ADAMTS16: variants seen among roughly 807,000 people sequenced by gnomAD.
ADAMTS16 encodes A disintegrin and metalloproteinase with thrombospondin motifs 16.
A neutral mutation model predicts 145.8 loss-of-function variants in ADAMTS16; 94 were observed. The observed-to-expected ratio is 0.64, with a 90% CI of 0.55 to 0.77. ADAMTS16 has a LOEUF of 0.77. Ranked by LOEUF, ADAMTS16 falls within the 30% of genes least tolerant of loss-of-function variation. The pLI, the probability that ADAMTS16 is intolerant of heterozygous loss-of-function variation, is 0.00. For synonymous variants in ADAMTS16, 659 were observed against 604.3 expected (o/e 1.09, Z -1.33); for missense variants, 1,585 against 1,591.5 (o/e 1.00, Z 0.07).
intron 18 of ADAMTS16, among the ~76,000 whole-genome samples, chr5:5,273,748 G>T (rs558531425): frequency 6.6e-6 from 1 of 152,334 alleles, no homozygotes; most frequent in East Asian, 1.9e-4. Flanking sequence ...ACAGACATTG[G>T]CCTGCATACG....
intron 18 of ADAMTS16, among the ~76,000 whole-genome samples, chr5:5,297,547 T>G (rs1739594247): frequency 6.6e-6 from 1 of 152,194 alleles, no homozygotes; most frequent in African/African-American, 2.4e-5. Context: ...GTCAGTTTCT[T>G]TGGTCTGTGT....
In ADAMTS16 at chr5:5,318,112, CAT is replaced by C. The variant is rs761054199; in HGVS notation, c.3412-21_3412-20del. On this transcript the variant is annotated intron_variant, in intron 21 of 22. Coordinates refer to ENST00000274181, the MANE Select transcript of ADAMTS16 (RefSeq NM_139056.4). ...GCCTGAGAGCCTGGGGCCATGGTGA[CAT>C]GTGTGTGTTGCTCTCACAGTGCACG... The C allele has an allele frequency of 2.8e-5, 38 of 1,373,990 alleles. No homozygotes were observed. Among genetic ancestry groups the C allele is most frequent in the African/African-American group, 1.5e-4 (10 of 67,336 alleles). The allele number at this position is 1,373,990 out of a possible 1,614,324, so 85.1% of individuals were successfully genotyped here. A position where few individuals can be genotyped will look rare whatever the true frequency, so the allele number is the denominator to read the frequency against.
intron 17 of ADAMTS16, among the ~76,000 whole-genome samples, chr5:5,243,945 A>G (rs1170677141): frequency 6.6e-6 from 1 of 152,220 alleles, no homozygotes; most frequent in Non-Finnish European, 1.5e-5. Context: ...CCCAAAATCC[A>G]TTCCCAAATC....
At position 5,186,079 on chromosome 5, in the gene ADAMTS16, T is replaced by TC; in HGVS notation, c.792dup (p.Phe265LeufsTer6). On this transcript the variant is annotated frameshift_variant, in exon 5 of 23. Transcript: ENST00000274181. LOFTEE classifies it high-confidence loss of function. The stretch of plus-strand genomic sequence containing the variant: ...ATGCCCCAGCCTCCCAAGGAAGACC[T>TC]CTTCATCTTGCCAGATGAGTATAAG... 1 of 1,613,922 alleles carries TC rather than the reference T, an allele frequency of 6.2e-7. No individual in the cohort carries two copies. Among genetic ancestry groups the TC allele is most frequent in the South Asian group, 1.1e-5 (1 of 91,076 alleles).
In ADAMTS16 at chr5:5,239,144, C is replaced by T; in HGVS notation, c.2155-7C>T. ...ATGAATGACATGTGACCTCATGGGCCCTCCAGAGAGTTGGATGTGACAATG... is the reference window on the plus strand; with the variant it reads ...ATGAATGACATGTGACCTCATGGGCTCTCCAGAGAGTTGGATGTGACAATG... On this transcript the variant is annotated splice_region_variant and splice_polypyrimidine_tract_variant and intron_variant, in intron 14 of 22. Coordinates refer to ENST00000274181, the MANE Select transcript of ADAMTS16 (RefSeq NM_139056.4). 6.6e-7 allele frequency: 1 copy of T among 1,524,798 alleles called. No homozygotes were observed. The highest frequency in any genetic ancestry group is 8.8e-7 in the Non-Finnish European group (1 of 1,137,766). 94.5% of individuals were successfully genotyped at this position (1,524,798 alleles called of 1,614,324 possible).
chr5:5,170,041 T>C (rs1216223020), intron 3 of ADAMTS16, among the ~76,000 whole-genome samples: 1 of 152,200 alleles, frequency 6.6e-6, no homozygotes, highest in Non-Finnish European at 1.5e-5. Flanking sequence ...ATCTCTTCGA[T>C]TTTCTTCATT....
chr5:5,144,268 G>A (rs1734239114), intron 2 of ADAMTS16, among the ~76,000 whole-genome samples: 1 of 152,160 alleles, frequency 6.6e-6, no homozygotes, highest in Non-Finnish European at 1.5e-5. Context: ...TAATCTACAA[G>A]AATTTACTTA....
chr5:5,228,183 G>T (rs1201810185), intron 11 of ADAMTS16, among the ~76,000 whole-genome samples: 3 of 152,180 alleles, frequency 2.0e-5, no homozygotes, highest in Non-Finnish European at 4.4e-5. Context: ...CAAGTTGTTA[G>T]CTTAACCAGA....
intron 17 of ADAMTS16, among the ~76,000 whole-genome samples, chr5:5,247,019 A>G (rs182955465): frequency 2.6e-5 from 4 of 152,192 alleles, no homozygotes; most frequent in Non-Finnish European, 4.4e-5. Flanking sequence ...TCTTCCTCTG[A>G]GTTCCATTGC....
chr5:5,185,174 T>G (rs1226234141), intron 4 of ADAMTS16, among the ~76,000 whole-genome samples: 1 of 152,174 alleles, frequency 6.6e-6, no homozygotes, highest in Non-Finnish European at 1.5e-5. Context: ...AAGCTTTATT[T>G]AATTTTGGAA....
chr5:5,183,386 C>T (rs1735396888), intron 4 of ADAMTS16, among the ~76,000 whole-genome samples: 1 of 152,180 alleles, frequency 6.6e-6, no homozygotes, highest in African/African-American at 2.4e-5. Context: ...AGGTCAGGAC[C>T]CAGATGCGTG....
rs913919107 is a variant in ADAMTS16 at position 5,299,333 on chromosome 5, C to T, written c.2790-3935C>T. ...CACAAGCAGAGCATGGCTGCCCTGG[C>T]GGGGCTTGGCCCTAGGCAGCAGCTC... On this transcript the variant is annotated intron_variant, in intron 18 of 22. Coordinates refer to ENST00000274181, the MANE Select transcript of ADAMTS16 (RefSeq NM_139056.4). Among the ~76,000 whole-genome samples, 5 of 152,308 alleles carry T rather than the reference C, an allele frequency of 3.3e-5. No individual in the cohort carries two copies. In the South Asian group the frequency reaches 1.0e-3, roughly 32 times the overall value.
intron 10 of ADAMTS16, among the ~76,000 whole-genome samples, chr5:5,219,400 C>T (rs1736529298): frequency 6.6e-6 from 1 of 152,222 alleles, no homozygotes; most frequent in Non-Finnish European, 1.5e-5. Flanking sequence ...CCCTCCACTA[C>T]ACTTCTCAGC....
At chr5:5,176,765 C>T (rs1434648097) in intron 3 of ADAMTS16, among the ~76,000 whole-genome samples, 1 of 152,210 alleles carries the variant, frequency 6.6e-6, no homozygotes, top group Non-Finnish European at 1.5e-5. Flanking sequence ...CTCTAGCCTT[C>T]TTCCTGCCAT....
chr5:5,289,619 A>G (rs144838141), intron 18 of ADAMTS16, among the ~76,000 whole-genome samples: 158 of 152,344 alleles, frequency 1.0e-3, no homozygotes, highest in African/African-American at 3.6e-3. Flanking sequence ...GTCCAGTTCG[A>G]TTATTTATAA....
chr5:5,230,432 GT>G, intron 11 of ADAMTS16, among the ~76,000 whole-genome samples: 1 of 152,288 alleles, frequency 6.6e-6, no homozygotes, highest in Admixed American at 6.5e-5. Flanking sequence ...TTGTGGTTAT[GT>G]TTTTTAAAGT....
chr5:5,211,383 A>G (rs894644023), intron 10 of ADAMTS16, among the ~76,000 whole-genome samples: 1 of 152,202 alleles, frequency 6.6e-6, no homozygotes, highest in Non-Finnish European at 1.5e-5. Flanking sequence ...TAATTACTGT[A>G]AGATCTATAA....
intron 9 of ADAMTS16, among the ~76,000 whole-genome samples, chr5:5,201,814 A>G (rs577953042): frequency 6.6e-6 from 1 of 152,300 alleles, no homozygotes; most frequent in East Asian, 1.9e-4. Context: ...GAGAACTAAG[A>G]ACAAAGTTCC....
intron 2 of ADAMTS16, among the ~76,000 whole-genome samples, chr5:5,145,028 T>C (rs1339651743): frequency 6.6e-6 from 1 of 152,170 alleles, no homozygotes; most frequent in Non-Finnish European, 1.5e-5. Flanking sequence ...CGAAAACAAC[T>C]GGGGCCTCAC....
Sources: allele counts gnomAD v4.1 joint callset (sites outside exome capture counted in the v4.1 genomes callset), GRCh38; gene constraint gnomAD v4.1.1; transcripts MANE v1.5; gene names NCBI Gene and HGNC (gene_info 2026-07-23, HGNC 2026-07-21).